DLG2: variants seen among roughly 807,000 people sequenced by gnomAD.
The protein encoded by DLG2 is disks large homolog 2.
A neutral mutation model predicts 132.5 loss-of-function variants in DLG2; 45 were observed. That is an observed-to-expected ratio of 0.34 (90% confidence interval 0.27 to 0.44). The LOEUF (loss-of-function observed/expected upper bound fraction) is 0.44. Among genes scored for constraint, DLG2 ranks in the 20% least tolerant of loss-of-function variants. The pLI, the probability that DLG2 is intolerant of heterozygous loss-of-function variation, is 1.00. For missense variants in DLG2, 1,045 were observed against 1,196.9 expected (o/e 0.87, Z 1.87); for synonymous variants, 424 against 419.6 (o/e 1.01, Z -0.13).
intron 6 of DLG2, among the ~76,000 whole-genome samples, chr11:84,726,017 A>C (rs1372335099): frequency 1.3e-5 from 2 of 152,118 alleles, no homozygotes; most frequent in African/African-American, 4.8e-5. Context: ...CTTACTGAAG[A>C]ACACACAAAT....
At position 85,348,641 on chromosome 11, in the gene DLG2, C is replaced by T. The variant is rs2083047911; in HGVS notation, c.41-63276G>A. On this transcript the variant is annotated intron_variant, in intron 3 of 27. Transcript: ENST00000376104. ...ATCTCTTTCCCCCCTCCATGATTAC[C>T]CCAAAATAGCAACCTAACTTTCCTG... 2.0e-5 allele frequency among the ~76,000 whole-genome samples: 3 copies of T among 152,150 alleles called. No homozygotes were observed. In the South Asian group the frequency reaches 6.2e-4, roughly 32 times the overall value.
chr11:85,172,239 T>C (rs1441904994), intron 4 of DLG2, among the ~76,000 whole-genome samples: 1 of 152,178 alleles, frequency 6.6e-6, no homozygotes, highest in Non-Finnish European at 1.5e-5. Context: ...TGAAATCCAT[T>C]AGCTCCCAGA....
intron 8 of DLG2, among the ~76,000 whole-genome samples, chr11:84,219,983 T>C (rs2096891548): frequency 6.6e-6 from 1 of 152,216 alleles, no homozygotes; most frequent in Admixed American, 6.5e-5. Flanking sequence ...TCTCACATTG[T>C]TCCACCTGTC....
intron 8 of DLG2, among the ~76,000 whole-genome samples, chr11:84,245,168 T>G (rs544123716): frequency 6.6e-6 from 1 of 152,288 alleles, no homozygotes; most frequent in South Asian, 2.1e-4. Flanking sequence ...CAATTGTGTC[T>G]CTATGTCACT....
intron 6 of DLG2, among the ~76,000 whole-genome samples, chr11:85,076,473 T>C (rs909088807): frequency 1.3e-5 from 2 of 152,022 alleles, no homozygotes; most frequent in African/African-American, 4.8e-5. Context: ...GGAAATGGTT[T>C]GACAAGTCCT....
intron 6 of DLG2, among the ~76,000 whole-genome samples, chr11:84,733,942 G>C (rs192235126): frequency 2.6e-5 from 4 of 152,060 alleles, no homozygotes; most frequent in African/African-American, 9.7e-5. Flanking sequence ...AAGATCAGAT[G>C]GTTGTAGATA....
chr11:84,256,848 T>C (rs986629378), intron 7 of DLG2, among the ~76,000 whole-genome samples: 1 of 152,152 alleles, frequency 6.6e-6, no homozygotes, highest in African/African-American at 2.4e-5. Flanking sequence ...GATTTCATTA[T>C]GAGAGGTGGA....
At chr11:84,189,539 C>T (rs907959159) in intron 8 of DLG2, among the ~76,000 whole-genome samples, 7 of 152,096 alleles carry the variant, frequency 4.6e-5, no homozygotes, top group African/African-American at 1.7e-4. Flanking sequence ...CACTACAACA[C>T]TATTTACAAT....
At chr11:83,890,088 T>A (rs551634298) in intron 15 of DLG2, among the ~76,000 whole-genome samples, 2 of 152,172 alleles carry the variant, frequency 1.3e-5, no homozygotes, top group Non-Finnish European at 2.9e-5. Context: ...TGTGCACATG[T>A]ACCCTAAAAC....
rs35788554 is a variant in DLG2 at position 84,600,241 on chromosome 11, A to AG, written c.358-65511_358-65510insC. On this transcript the variant is annotated intron_variant, in intron 6 of 27. Transcript: ENST00000376104. ...GAAAGAAAGAGAAAGAAAGACAGAA[A>AG]AGCAAGCAAGCAAGCAGGCAGGCAG... 6.8e-4 allele frequency among the ~76,000 whole-genome samples: 30 copies of AG among 44,334 alleles called. No homozygotes were observed. In the African/African-American group the frequency reaches 0.019, roughly 28 times the overall value. The allele number at this position is 44,334 out of a possible 152,430, so 29.1% of individuals were successfully genotyped here. A position where few individuals can be genotyped will look rare whatever the true frequency, so the allele number is the denominator to read the frequency against.
chr11:83,501,574 T>C (rs1426727134), intron 21 of DLG2, among the ~76,000 whole-genome samples: 1 of 152,204 alleles, frequency 6.6e-6, no homozygotes, highest in African/African-American at 2.4e-5. Flanking sequence ...CTGAGGTTTC[T>C]TTCATCTCTA....
At chr11:84,760,345 C>T (rs977843901) in intron 6 of DLG2, among the ~76,000 whole-genome samples, 3 of 152,168 alleles carry the variant, frequency 2.0e-5, no homozygotes, top group Non-Finnish European at 2.9e-5. Context: ...AGGCTGTCTG[C>T]CCTTTCAGAG....
intron 15 of DLG2, among the ~76,000 whole-genome samples, chr11:83,924,177 T>C (rs1409269429): frequency 6.6e-5 from 10 of 152,264 alleles, no homozygotes; most frequent in African/African-American, 2.4e-4. Context: ...ATTCCTCCTA[T>C]GTTTACCTTT....
intron 6 of DLG2, among the ~76,000 whole-genome samples, chr11:84,952,401 C>T (rs965015065): frequency 1.3e-5 from 2 of 152,070 alleles, no homozygotes. Context: ...CCTGTAGTCC[C>T]AGCTACTCGG....
At chr11:84,894,209 G>T (rs2089869455) in intron 6 of DLG2, among the ~76,000 whole-genome samples, 2 of 152,056 alleles carry the variant, frequency 1.3e-5, no homozygotes, top group African/African-American at 4.8e-5. Flanking sequence ...TCATCAACAA[G>T]ACTTTAGTTT....
intron 6 of DLG2, among the ~76,000 whole-genome samples, chr11:84,824,106 C>G (rs1271996596): frequency 1.3e-5 from 2 of 151,814 alleles, no homozygotes; most frequent in African/African-American, 4.8e-5. Context: ...TTGTATGTCC[C>G]TCTCACCAAT....
chr11:85,459,692 T>G (rs932748413), intron 3 of DLG2, among the ~76,000 whole-genome samples: 2 of 152,168 alleles, frequency 1.3e-5, no homozygotes, highest in Non-Finnish European at 2.9e-5. Flanking sequence ...TGGCCCTTTG[T>G]TGCTTTCACA....
At chr11:85,471,758 ACAATATGAGAGAAG>A (rs1452234068) in intron 3 of DLG2, among the ~76,000 whole-genome samples, 1 of 152,238 alleles carries the variant, frequency 6.6e-6, no homozygotes, top group Admixed American at 6.5e-5. Flanking sequence ...GCAAATAGCA[ACAATATGAGAGAAG>A]CAATAATCAA....
intron 3 of DLG2, among the ~76,000 whole-genome samples, chr11:85,499,946 T>A (rs962000886): frequency 6.6e-6 from 1 of 152,156 alleles, no homozygotes; most frequent in South Asian, 2.1e-4. Flanking sequence ...GGAACATATC[T>A]CAATATAATA....
Sources: gnomAD v4.1 joint callset for allele counts (sites outside exome capture counted in the v4.1 genomes callset) on GRCh38, gnomAD v4.1.1 for gene constraint, MANE v1.5 for transcripts, NCBI Gene and HGNC (gene_info 2026-07-23, HGNC 2026-07-21) for gene names.